Variants in PDE1C observed in about 807,000 individuals in gnomAD.
The protein encoded by PDE1C is phosphodiesterase 1C.
Under a neutral mutation model 93.1 loss-of-function variants are expected in PDE1C, and 62 were observed. The observed-to-expected ratio is 0.67, with a 90% CI of 0.54 to 0.82. The LOEUF (loss-of-function observed/expected upper bound fraction) is 0.82, where lower values mean the gene tolerates loss of function less well. PDE1C is among the 40% of genes least tolerant of loss of function. The probability of loss-of-function intolerance (pLI) is 0.00; values close to 1 mark genes in which losing one functional copy is unlikely to be tolerated. For missense variants in PDE1C, 742 were observed against 884.6 expected (o/e 0.84, Z 2.04); for synonymous variants, 325 against 310.1 (o/e 1.05, Z -0.50).
At chr7:32,038,406 G>A (rs1368951202) in intron 2 of PDE1C, among the ~76,000 whole-genome samples, 1 of 152,088 alleles carries the variant, frequency 6.6e-6, no homozygotes, top group Admixed American at 6.6e-5. Flanking sequence ...ACATTCTGTG[G>A]CCATTAATTT....
chr7:31,624,307 T>G, the PDE1C span, among the ~76,000 whole-genome samples: 2 of 142,996 alleles, frequency 1.4e-5, no homozygotes, highest in Non-Finnish European at 3.0e-5. Flanking sequence ...AGAGCCCGCA[T>G]CACCAAGGCA....
At chr7:31,865,226 G>A in intron 6 of PDE1C, 144 bp from the exon 7 acceptor site, 1 of 695,568 alleles carries the variant, frequency 1.4e-6, no homozygotes, top group Non-Finnish European at 2.3e-6. Flanking sequence ...AAAAATTACT[G>A]ACAAAATTAT....
At chr7:32,313,555 A>G (rs1783102047) in intron 1 of PDE1C, among the ~76,000 whole-genome samples, 1 of 152,088 alleles carries the variant, frequency 6.6e-6, no homozygotes, top group South Asian at 2.1e-4. Flanking sequence ...CATATACACC[A>G]TGGAATACTA....
intron 3 of PDE1C, among the ~76,000 whole-genome samples, chr7:32,120,624 A>T (rs1799244587): frequency 6.6e-6 from 1 of 152,138 alleles, no homozygotes; most frequent in Non-Finnish European, 1.5e-5. Flanking sequence ...CCCAGTAAAG[A>T]CAGCAGCCCT....
intron 3 of PDE1C, among the ~76,000 whole-genome samples, chr7:32,121,315 T>C (rs1298147423): frequency 1.3e-5 from 2 of 151,922 alleles, no homozygotes; most frequent in Non-Finnish European, 2.9e-5. Context: ...CTTTAGGATA[T>C]TATCCAGGAG....
Position 31,840,244 on chromosome 7 carries a change from T to A in PDE1C, c.981-2273A>T, listed in dbSNP as rs183429603. Among the ~76,000 whole-genome samples the A allele has an allele frequency of 2.1e-4, 32 of 152,328 alleles. No individual in the cohort carries two copies. The East Asian group carries it at 5.8e-3, about 28-fold the overall frequency. On this transcript the variant is annotated intron_variant, in intron 9 of 17. Coordinates refer to ENST00000396191, the MANE Select transcript of PDE1C (RefSeq NM_001191057.4). ...GTTGACTATGTCAGGCACATTTTCATGTACTTATATTCCATTTGTATACAT... is the reference window on the plus strand; with the variant it reads ...GTTGACTATGTCAGGCACATTTTCAAGTACTTATATTCCATTTGTATACAT...
chr7:31,618,359 C>A, the PDE1C span, among the ~76,000 whole-genome samples: 1 of 47,748 alleles, frequency 2.1e-5, no homozygotes, highest in African/African-American at 8.6e-5. Flanking sequence ...GGAGGTTCCT[C>A]CCCTGTCCTT....
intron 2 of PDE1C, among the ~76,000 whole-genome samples, chr7:31,962,527 G>A (rs1328359086): frequency 6.6e-6 from 1 of 152,142 alleles, no homozygotes; most frequent in African/African-American, 2.4e-5. Context: ...GGGCAGGAGG[G>A]GTCAGAGAAA....
chr7:32,321,807 A>G lies in PDE1C; in HGVS notation c.310+106015T>C, dbSNP rs186136853. ...TGAATTAATCCACCTATCTATCCAC[A>G]TTCTACAAACCCTAGAAGTTCCCAT... On this transcript the variant is annotated intron_variant, in intron 1 of 1. Coordinates refer to the PDE1C transcript ENST00000672256. 1.2e-3 allele frequency among the ~76,000 whole-genome samples: 180 copies of G among 152,310 alleles called. 3 individuals are homozygous for G. The highest frequency in any genetic ancestry group is 4.2e-3 in the African/African-American group (176 of 41,566).
chr7:31,735,440 G>A, the PDE1C span, among the ~76,000 whole-genome samples: 3 of 150,772 alleles, frequency 2.0e-5, no homozygotes, highest in Admixed American at 1.3e-4. Context: ...CTGCCTTTAA[G>A]TGTCATGAGG....
At chr7:32,199,851 A>G (rs1804886388) in intron 2 of PDE1C, among the ~76,000 whole-genome samples, 1 of 152,204 alleles carries the variant, frequency 6.6e-6, no homozygotes, top group Non-Finnish European at 1.5e-5. Context: ...CACAAGTGGG[A>G]ATTTCACATC....
chr7:32,134,865 T>C (rs1206319436), intron 3 of PDE1C, among the ~76,000 whole-genome samples: 1 of 152,134 alleles, frequency 6.6e-6, no homozygotes, highest in African/African-American at 2.4e-5. Context: ...CGATGGCACA[T>C]GTATACCCAT....
intron 2 of PDE1C, among the ~76,000 whole-genome samples, chr7:31,899,135 T>G (rs1799663048): frequency 7.7e-6 from 1 of 129,312 alleles, no homozygotes. Flanking sequence ...AGTCCCACTT[T>G]TTTTTTTTTT....
intron 2 of PDE1C, among the ~76,000 whole-genome samples, chr7:31,881,957 C>T (rs117625718): frequency 0.021 from 3,135 of 152,234 alleles, 47 homozygotes; most frequent in Middle Eastern, 0.061. Context: ...TCTCCACTTC[C>T]CGTTGGTATA....
At chr7:31,697,653 G>A in the PDE1C span, among the ~76,000 whole-genome samples, 3 of 152,200 alleles carry the variant, frequency 2.0e-5, no homozygotes, top group Non-Finnish European at 4.4e-5. Context: ...AGAAGTACAA[G>A]TTGGGGAATA....
the PDE1C span, among the ~76,000 whole-genome samples, chr7:31,717,423 C>A: frequency 6.6e-6 from 1 of 152,174 alleles, no homozygotes; most frequent in Non-Finnish European, 1.5e-5. Context: ...TGCCTGCCTT[C>A]AGCCTTGGGA....
intron 1 of PDE1C, among the ~76,000 whole-genome samples, chr7:32,267,278 C>T (rs1463673826): frequency 2.0e-5 from 3 of 152,152 alleles, no homozygotes; most frequent in Admixed American, 6.5e-5. Context: ...AGAGGAAGCA[C>T]GTCTAAGGGA....
intron 5 of PDE1C, among the ~76,000 whole-genome samples, chr7:31,873,974 T>A (rs1341452703): frequency 3.3e-5 from 5 of 152,224 alleles, no homozygotes; most frequent in Admixed American, 3.3e-4. Flanking sequence ...GAATGTTAAC[T>A]CATTTAGAAG....
intron 2 of PDE1C, among the ~76,000 whole-genome samples, chr7:32,002,981 C>G (rs1785677537): frequency 6.6e-6 from 1 of 152,152 alleles, no homozygotes; most frequent in African/African-American, 2.4e-5. Flanking sequence ...AAAGTAGTAT[C>G]TATAAATAAA....
Sources: gnomAD v4.1 joint callset for allele counts (sites outside exome capture counted in the v4.1 genomes callset) on GRCh38, gnomAD v4.1.1 for gene constraint, MANE v1.5 for transcripts, NCBI Gene and HGNC (gene_info 2026-07-23, HGNC 2026-07-21) for gene names.